The following NPHP1 variants were observed in gnomAD, a reference collection of about 807,000 sequenced individuals.
NPHP1 encodes the protein nephrocystin 1, also known as nephrocystin-1.
A neutral mutation model predicts 90.4 loss-of-function variants in NPHP1; 70 were observed. The observed-to-expected ratio is 0.77, with a 90% confidence interval of 0.64 to 0.95. The LOEUF (loss-of-function observed/expected upper bound fraction) is 0.95. Ranked by LOEUF, NPHP1 falls within the 40% of genes least tolerant of loss-of-function variation. The probability of loss-of-function intolerance (pLI) is 0.00; values close to 1 mark genes in which losing one functional copy is unlikely to be tolerated. For synonymous variants in NPHP1, 256 were observed against 271.7 expected (o/e 0.94, Z 0.57); for missense variants, 764 against 795.9 (o/e 0.96, Z 0.48).
intron 2 of NPHP1, among the ~76,000 whole-genome samples, chr2:110,201,137 A>T (rs998556151): frequency 3.9e-5 from 6 of 152,174 alleles, no homozygotes; most frequent in African/African-American, 1.4e-4. Context: ...AATTGCTTAT[A>T]GACAGAGGTT....
At chr2:110,137,809 G>A (rs1680316202) in intron 16 of NPHP1, among the ~76,000 whole-genome samples, 1 of 151,014 alleles carries the variant, frequency 6.6e-6, no homozygotes, top group African/African-American at 2.4e-5. Context: ...ATTTGACCCA[G>A]CCATCCCATT....
intron 6 of NPHP1, among the ~76,000 whole-genome samples, 155 bp from the exon 7 acceptor site, chr2:110,165,310 T>C (rs1451620541): frequency 6.6e-6 from 1 of 152,094 alleles, no homozygotes. Context: ...TCAGAAAATC[T>C]TGAGCATAGA....
At chr2:110,125,392 CCTTT>C (rs2093273937) in intron 19 of NPHP1, 2 of 1,419,198 alleles carry the variant, frequency 1.4e-6, no homozygotes, top group Non-Finnish European at 1.9e-6. Context: ...AGAAACTTCC[CCTTT>C]ATTTAAATAA....
chr2:110,141,066 A>G (rs1680592830), intron 16 of NPHP1, among the ~76,000 whole-genome samples: 1 of 152,282 alleles, frequency 6.6e-6, no homozygotes, highest in African/African-American at 2.4e-5. Flanking sequence ...TCTCTGTCCC[A>G]TGCCATGCTC....
chr2:110,151,813 A>C (rs921085486), intron 11 of NPHP1, among the ~76,000 whole-genome samples: 2 of 152,188 alleles, frequency 1.3e-5, no homozygotes, highest in Non-Finnish European at 2.9e-5. Context: ...TTTTTCAAGA[A>C]ATGTTTTCTA....
In NPHP1 at chr2:110,123,648, C is replaced by G; in HGVS notation, c.*143G>C. The stretch of plus-strand genomic sequence containing the variant: ...TATTTAAATTATTGTATAAACATTT[C>G]TTTAAAAATATGGTCTGTAGAAAGA... On this transcript the variant is annotated 3_prime_UTR_variant, in exon 20 of 20. Coordinates refer to ENST00000445609, the MANE Select transcript of NPHP1 (RefSeq NM_001128178.3). 1 of 752,566 alleles carries G rather than the reference C, an allele frequency of 1.3e-6. No homozygotes were observed. Among genetic ancestry groups the G allele is most frequent in the Admixed American group, 2.6e-5 (1 of 38,816 alleles). The allele number at this position is 752,566 out of a possible 1,614,324, so 46.6% of individuals were successfully genotyped here. A position where few individuals can be genotyped will look rare whatever the true frequency, so the allele number is the denominator to read the frequency against.
chr2:110,126,064 C>T (rs1418512707), intron 18 of NPHP1: 2 of 286,034 alleles, frequency 7.0e-6, no homozygotes, highest in Non-Finnish European at 1.3e-5. Flanking sequence ...AACTTTTCTA[C>T]AATTCTCTCT....
At chr2:110,133,189 T>C (rs184374484) in intron 16 of NPHP1, among the ~76,000 whole-genome samples, 26 of 152,096 alleles carry the variant, frequency 1.7e-4, no homozygotes, top group Admixed American at 5.2e-4. Flanking sequence ...AGGACACTCA[T>C]GGGTAGAAAG....
rs192761188 is a variant in NPHP1, at chr2:110,203,263, G to C, written c.69+1637C>G. Among the ~76,000 whole-genome samples, 17 of 152,104 alleles carry C rather than the reference G, an allele frequency of 1.1e-4. No homozygotes were observed. In the East Asian group the frequency reaches 3.3e-3, roughly 29 times the overall value. ...ACACTGGTGACTGCTGGAGTGGGGT[G>C]GGGGAGGGAAGAGGAATGAAGACTG... On this transcript the variant is annotated intron_variant, in intron 1 of 19. Transcript: ENST00000445609.
intron 4 of NPHP1, among the ~76,000 whole-genome samples, chr2:110,171,453 A>G (rs1421607103): frequency 6.6e-6 from 1 of 152,170 alleles, no homozygotes; most frequent in East Asian, 1.9e-4. Context: ...CTGGAATAAA[A>G]AGGAATATTA....
In NPHP1 at chr2:110,125,656, G is replaced by A. The variant is rs529816484; in HGVS notation, c.1742C>T (p.Thr581Ile). 1 of 1,613,334 alleles carries A rather than the reference G, an allele frequency of 6.2e-7. No individual in the cohort carries two copies. The highest frequency in any genetic ancestry group is 1.7e-5 in the Admixed American group (1 of 60,010). The change falls in exon 19 of 20, where the codon ACA becomes ATA. Residue 581 changes from threonine (T) to isoleucine (I), a missense_variant. By Grantham distance (89) the Thr-to-Ile change is moderately conservative. Transcript: ENST00000445609. The part of the protein sequence containing the change: ...LRSSWAGKES[T>I]LKRSEKRDKE... ...TTTTACCTTCTCTGATCTTTTTAAT[G>A]TGCTTTCTTTTCCAGCCCACGAACT...
intron 2 of NPHP1, among the ~76,000 whole-genome samples, chr2:110,197,728 C>T (rs913898812): frequency 2.0e-5 from 3 of 151,964 alleles, no homozygotes; most frequent in Admixed American, 1.3e-4. Context: ...ATGAATCCAC[C>T]CTGAGAGAAC....
At chr2:110,125,280 G>A (rs923641633) in intron 19 of NPHP1, 7 of 1,535,810 alleles carry the variant, frequency 4.6e-6, no homozygotes, top group Middle Eastern at 1.7e-4. Context: ...GTACAGCTCA[G>A]GCCATTTTTT....
chr2:110,165,043 C>G lies in NPHP1; in HGVS notation c.728+9G>C, dbSNP rs1280756117. ...AAACCTACTTTGATATCCTTTCCCA[C>G]TTTTGTACCTTTGCTTAACTTCTGC... On this transcript the variant is annotated intron_variant, in intron 7 of 19. Transcript: ENST00000445609. The G allele has an allele frequency of 6.2e-7, 1 of 1,604,682 alleles. No individual in the cohort carries two copies. Among genetic ancestry groups the G allele is most frequent in the South Asian group, 1.1e-5 (1 of 90,820 alleles).
intron 16 of NPHP1, among the ~76,000 whole-genome samples, chr2:110,135,561 G>C (rs938352274): frequency 1.3e-5 from 2 of 149,486 alleles, no homozygotes; most frequent in East Asian, 3.9e-4. Context: ...AATGTATCAT[G>C]CACAAGATTT....
At chr2:110,159,476 A>G (rs1482526917) in intron 11 of NPHP1, among the ~76,000 whole-genome samples, 2 of 151,736 alleles carry the variant, frequency 1.3e-5, no homozygotes, top group Non-Finnish European at 2.9e-5. Flanking sequence ...GGTTATTCAC[A>G]TTTTCTATTT....
At chr2:110,142,924 A>G (rs1324597196) in intron 16 of NPHP1, among the ~76,000 whole-genome samples, 1 of 152,282 alleles carries the variant, frequency 6.6e-6, no homozygotes, top group East Asian at 1.9e-4. Context: ...GGCACATGCA[A>G]TGGCATGGGT....
At chr2:110,199,778 TAAAATA>T (rs1280835021) in intron 2 of NPHP1, among the ~76,000 whole-genome samples, 1 of 152,130 alleles carries the variant, frequency 6.6e-6, no homozygotes, top group African/African-American at 2.4e-5. Context: ...AATCTTTTTG[TAAAATA>T]AAATCTCCCA....
At chr2:110,185,052 A>G in intron 2 of NPHP1, 1 of 599,328 alleles carries the variant, frequency 1.7e-6, no homozygotes. Flanking sequence ...TTTGCACCTC[A>G]GGAGAGACTG....
Sources: allele counts gnomAD v4.1 joint callset (sites outside exome capture counted in the v4.1 genomes callset), GRCh38; gene constraint gnomAD v4.1.1; transcripts MANE v1.5; gene names NCBI Gene and HGNC (gene_info 2026-07-23, HGNC 2026-07-21).